The following WDR72 variants were observed in gnomAD, a reference collection of about 807,000 sequenced individuals.
WDR72 encodes WD repeat-containing protein 72.
A neutral mutation model predicts 124.2 loss-of-function variants in WDR72; 120 were observed. That is an observed-to-expected ratio of 0.97 (90% CI 0.83 to 1.12). WDR72 has a LOEUF of 1.12. WDR72 is among the 50% of genes most tolerant of loss of function. The pLI is 0.00. For synonymous variants in WDR72, 452 were observed against 441.7 expected (o/e 1.02, Z -0.29); for missense variants, 1,387 against 1,278.8 (o/e 1.08, Z -1.29).
rs1255983656 is a variant in WDR72 at position 53,515,070 on chromosome 15, C to CATATATATGTGT, written c.*2628_*2629insACACATATATAT. The stretch of plus-strand genomic sequence containing the variant: ...ATATATGTGTGTATATATATACACA[C>CATATATATGTGT]ATATATATGTATGTATACACACACA... On this transcript the variant is annotated 3_prime_UTR_variant, in exon 20 of 20. Coordinates refer to ENST00000360509, the MANE Select transcript of WDR72 (RefSeq NM_182758.4). The CATATATATGTGT allele has an allele frequency of 1.3e-5, 1 of 75,312 alleles. No individual in the cohort carries two copies. Among genetic ancestry groups the CATATATATGTGT allele is most frequent in the Non-Finnish European group, 3.0e-5 (1 of 32,810 alleles). 4.7% of individuals were successfully genotyped at this position (75,312 alleles called of 1,614,324 possible).
chr15:53,571,181 T>A (rs185806592), intron 18 of WDR72, among the ~76,000 whole-genome samples: 161 of 152,150 alleles, frequency 1.1e-3, no homozygotes, highest in African/African-American at 1.8e-3. Flanking sequence ...GTTGAACTAT[T>A]GGGTACTATG....
intron 15 of WDR72, 152 bp from the exon 16 acceptor site, chr15:53,613,909 G>C: frequency 1.7e-6 from 1 of 600,776 alleles, no homozygotes. Flanking sequence ...AATTTCTCTT[G>C]TGAATCTGAT....
In WDR72 at chr15:53,715,509, A is replaced by G. The variant is rs2017678677; in HGVS notation, c.340-142T>C. On this transcript the variant is annotated intron_variant, in intron 4 of 19. Transcript: ENST00000360509. ...CTGAATAGCAACTAAAATTTCTCTT[A>G]GTTCAGTTATTCCAAACTCCTATTG... is the stretch of plus-strand genomic sequence containing the variant. The G allele has an allele frequency of 4.1e-6, 4 of 982,984 alleles. No homozygotes were observed. The East Asian group carries it at 7.8e-5, about 19-fold the overall frequency. 60.9% of individuals were successfully genotyped at this position (982,984 alleles called of 1,614,324 possible).
upstream of WDR72, among the ~76,000 whole-genome samples, chr15:53,762,238 C>T (rs2019074532): frequency 6.6e-6 from 1 of 152,136 alleles, no homozygotes; most frequent in South Asian, 2.1e-4. Flanking sequence ...CTGGGTCTTC[C>T]TGCATGCAGT....
intron 13 of WDR72, among the ~76,000 whole-genome samples, chr15:53,686,061 T>C (rs7179257): frequency 1 from 148,847 of 148,866 alleles, 74,414 homozygotes; most frequent in Middle Eastern, 1. Flanking sequence ...CTAAAGGAAG[T>C]GCTAAACATG....
chr15:53,649,900 T>C (rs962319914), intron 14 of WDR72, among the ~76,000 whole-genome samples: 4 of 152,008 alleles, frequency 2.6e-5, no homozygotes, highest in African/African-American at 9.7e-5. Context: ...CCTCAAAAAA[T>C]TAAAAATAGA....
intron 18 of WDR72, among the ~76,000 whole-genome samples, chr15:53,595,905 T>C (rs982090961): frequency 6.6e-6 from 1 of 152,200 alleles, no homozygotes; most frequent in Non-Finnish European, 1.5e-5. Context: ...ATCAAATTAT[T>C]AATTGAATTT....
chr15:53,659,273 C>T (rs1045099602), intron 14 of WDR72, among the ~76,000 whole-genome samples: 1 of 152,150 alleles, frequency 6.6e-6, no homozygotes, highest in Non-Finnish European at 1.5e-5. Context: ...AACTTGACAA[C>T]ATTAATATGG....
intron 16 of WDR72, among the ~76,000 whole-genome samples, chr15:53,613,082 T>C (rs1044335767): frequency 1.1e-4 from 16 of 151,962 alleles, no homozygotes; most frequent in Admixed American, 7.9e-4. Flanking sequence ...CAATTGGTGA[T>C]TGGAAGGATA....
chr15:53,651,756 A>T (rs914275114), intron 14 of WDR72, among the ~76,000 whole-genome samples: 6 of 152,048 alleles, frequency 3.9e-5, no homozygotes, highest in African/African-American at 1.4e-4. Flanking sequence ...AGGTTCAAGC[A>T]ATTCTCCTGT....
intron 13 of WDR72, among the ~76,000 whole-genome samples, chr15:53,698,468 CT>C (rs1012950767): frequency 1.3e-5 from 2 of 152,174 alleles, no homozygotes; most frequent in African/African-American, 2.4e-5. Context: ...GGCTAACCAC[CT>C]GCAGGTACTG....
At chr15:53,714,379 T>G in intron 6 of WDR72, 55 bp downstream of exon 6, 2 of 1,403,328 alleles carry the variant, frequency 1.4e-6, no homozygotes, top group East Asian at 4.6e-5. Flanking sequence ...ATTTATAAAT[T>G]TTAATGAATA....
intron 13 of WDR72, among the ~76,000 whole-genome samples, chr15:53,691,157 C>G (rs1026006633): frequency 3.7e-4 from 56 of 152,154 alleles, no homozygotes; most frequent in African/African-American, 1.3e-3. Flanking sequence ...TCAAGTGATC[C>G]TCCCATCTCG....
chr15:53,636,273 C>T (rs975405644), intron 14 of WDR72, among the ~76,000 whole-genome samples: 2 of 152,116 alleles, frequency 1.3e-5, no homozygotes, highest in African/African-American at 4.8e-5. Context: ...TCTGAATATC[C>T]TAACCTAAGA....
intron 14 of WDR72, among the ~76,000 whole-genome samples, chr15:53,663,313 C>T (rs755549655): frequency 1.3e-5 from 2 of 151,856 alleles, no homozygotes; most frequent in Non-Finnish European, 2.9e-5. Flanking sequence ...TAGTCCTGTC[C>T]AATTCAGTTT....
intron 13 of WDR72, among the ~76,000 whole-genome samples, chr15:53,684,807 C>T (rs1278835500): frequency 6.6e-6 from 1 of 152,182 alleles, no homozygotes; most frequent in Non-Finnish European, 1.5e-5. Context: ...ACTTAAATGT[C>T]CCTGTCTGAC....
intron 15 of WDR72, among the ~76,000 whole-genome samples, chr15:53,614,041 C>T (rs2013658907): frequency 6.6e-6 from 1 of 151,996 alleles, no homozygotes; most frequent in East Asian, 1.9e-4. Context: ...ACTATGTTTA[C>T]AAGACAGGCT....
chr15:53,550,166 A>G (rs890945833), intron 18 of WDR72, among the ~76,000 whole-genome samples: 28 of 152,194 alleles, frequency 1.8e-4, no homozygotes, highest in African/African-American at 6.5e-4. Flanking sequence ...TCCCACTCTC[A>G]TCAGTCTTGA....
At position 53,573,788 on chromosome 15, in the gene WDR72, C is replaced by T. The variant is rs533006165; in HGVS notation, c.3148+23291G>A. On this transcript the variant is annotated intron_variant, in intron 18 of 19. Coordinates refer to ENST00000360509, the MANE Select transcript of WDR72 (RefSeq NM_182758.4). ...CTTGAACTTCTGACCTCAGGTGATC[C>T]ACTGGCCTTGGCCTCCCAAAGTGCT... 4.6e-5 allele frequency among the ~76,000 whole-genome samples: 7 copies of T among 152,324 alleles called. No homozygotes were observed. The South Asian group carries it at 1.0e-3, about 23-fold the overall frequency.
Sources: allele counts gnomAD v4.1 joint callset (sites outside exome capture counted in the v4.1 genomes callset), GRCh38; gene constraint gnomAD v4.1.1; transcripts MANE v1.5; gene names NCBI Gene and HGNC (gene_info 2026-07-23, HGNC 2026-07-21).